The following FSTL4 variants were observed in gnomAD, a reference collection of about 807,000 sequenced individuals.
FSTL4 encodes the protein follistatin like 4, also known as follistatin-related protein 4.
In FSTL4, 28 loss-of-function variants were observed where a neutral mutation model predicts 78.2. The observed-to-expected ratio is 0.36, with a 90% confidence interval of 0.27 to 0.49. The LOEUF (loss-of-function observed/expected upper bound fraction) is 0.49, where lower values mean the gene tolerates loss of function less well. Ranked by LOEUF, FSTL4 falls within the 20% of genes least tolerant of loss-of-function variation. FSTL4 has a pLI of 0.98. For synonymous variants in FSTL4, 422 were observed against 440.5 expected (o/e 0.96, Z 0.53); for missense variants, 922 against 1,084.9 (o/e 0.85, Z 2.11).
chr5:133,495,151 C>T (rs1002867542), intron 3 of FSTL4, among the ~76,000 whole-genome samples: 1 of 152,152 alleles, frequency 6.6e-6, no homozygotes, highest in Non-Finnish European at 1.5e-5. Flanking sequence ...CACTTACACA[C>T]CGGTTGGGAA....
At chr5:133,546,702 G>C (rs1215491880) in intron 3 of FSTL4, among the ~76,000 whole-genome samples, 4 of 152,054 alleles carry the variant, frequency 2.6e-5, no homozygotes, top group Non-Finnish European at 5.9e-5. Flanking sequence ...AGGCATAGGA[G>C]AGCAGAATGG....
upstream of FSTL4, among the ~76,000 whole-genome samples, chr5:133,616,577 C>G (rs952468765): frequency 6.6e-6 from 1 of 151,796 alleles, no homozygotes; most frequent in Non-Finnish European, 1.5e-5. Flanking sequence ...AATTTTTGTA[C>G]TTTTTGTAGA....
chr5:133,273,046 G>A (rs1752801153), intron 6 of FSTL4, among the ~76,000 whole-genome samples: 2 of 152,264 alleles, frequency 1.3e-5, no homozygotes, highest in South Asian at 4.1e-4. Context: ...TGTGCTGGGG[G>A]CCAGCGCTGG....
chr5:133,704,031 G>A, the FSTL4 span, among the ~76,000 whole-genome samples: 2 of 152,170 alleles, frequency 1.3e-5, no homozygotes, highest in Non-Finnish European at 2.9e-5. Context: ...CCACACGGAT[G>A]TGAGGCTGGG....
intron 3 of FSTL4, among the ~76,000 whole-genome samples, chr5:133,534,777 T>A (rs1759319574): frequency 6.6e-6 from 1 of 151,984 alleles, no homozygotes; most frequent in Non-Finnish European, 1.5e-5. Flanking sequence ...CAGCATCACA[T>A]CCCCAGCTGT....
chr5:133,409,853 CG>C (rs1756443464), intron 3 of FSTL4, among the ~76,000 whole-genome samples: 1 of 151,930 alleles, frequency 6.6e-6, no homozygotes, highest in Non-Finnish European at 1.5e-5. Context: ...AGAAAGCCCT[CG>C]GTGGGAGAAT....
At chr5:133,612,636 C>T (rs1193659646), upstream of FSTL4, 1 of 151,724 alleles carries the variant, frequency 6.6e-6, no homozygotes, top group Non-Finnish European at 1.5e-5. The surrounding 1 kb of genome is among the most constrained non-coding windows in gnomAD (Gnocchi z 6.2). Flanking sequence ...GCCGGTCAGA[C>T]CCGCGCGGCG....
intron 2 of FSTL4, among the ~76,000 whole-genome samples, chr5:133,579,412 T>TG (rs1174338429): frequency 6.6e-6 from 1 of 152,222 alleles, no homozygotes; most frequent in Non-Finnish European, 1.5e-5. Context: ...GGACAGCCTG[T>TG]GATGCGTTCC....
intron 3 of FSTL4, among the ~76,000 whole-genome samples, chr5:133,540,316 C>A (rs1759440238): frequency 6.6e-6 from 1 of 152,064 alleles, no homozygotes; most frequent in South Asian, 2.1e-4. Flanking sequence ...TGCAGAGAAC[C>A]CTAATACATA....
intron 4 of FSTL4, among the ~76,000 whole-genome samples, chr5:133,344,674 A>C (rs113382344): frequency 6.6e-6 from 1 of 152,240 alleles, no homozygotes; most frequent in Non-Finnish European, 1.5e-5. Context: ...ATTGAGGGAT[A>C]GCACATACGT....
At chr5:133,544,535 A>T (rs1366846119) in intron 3 of FSTL4, among the ~76,000 whole-genome samples, 2 of 152,186 alleles carry the variant, frequency 1.3e-5, no homozygotes, top group African/African-American at 4.8e-5. Flanking sequence ...TTCTTGAAAG[A>T]AAGAAAACAC....
At chr5:133,467,186 G>A (rs951309187) in intron 3 of FSTL4, among the ~76,000 whole-genome samples, 6 of 151,200 alleles carry the variant, frequency 4.0e-5, no homozygotes, top group South Asian at 2.1e-4. Flanking sequence ...GGGAGTATGC[G>A]TGTATGTGAG....
At chr5:133,352,023 A>G (rs1187266291) in intron 4 of FSTL4, among the ~76,000 whole-genome samples, 1 of 151,648 alleles carries the variant, frequency 6.6e-6, no homozygotes, top group African/African-American at 2.4e-5. Context: ...ATTGCTTTAA[A>G]TATTTTATTT....
chr5:133,418,638 T>C (rs1281833896), intron 3 of FSTL4, among the ~76,000 whole-genome samples: 1 of 152,242 alleles, frequency 6.6e-6, no homozygotes, highest in Non-Finnish European at 1.5e-5. Context: ...CATGAATTAC[T>C]ATACAGCTAC....
chr5:133,478,095 A>G (rs1183176431), intron 3 of FSTL4, among the ~76,000 whole-genome samples: 3 of 152,226 alleles, frequency 2.0e-5, no homozygotes, highest in Admixed American at 2.0e-4. Flanking sequence ...ATGTTCTTCT[A>G]CTGAAGGTCC....
At chr5:133,511,735 C>A (rs1466506989) in intron 3 of FSTL4, among the ~76,000 whole-genome samples, 1 of 152,128 alleles carries the variant, frequency 6.6e-6, no homozygotes, top group Non-Finnish European at 1.5e-5. Flanking sequence ...CCAGAGGGAT[C>A]CAAGCCAAGC....
chr5:133,615,751 A>G (rs1761188686), upstream of FSTL4, among the ~76,000 whole-genome samples: 1 of 152,236 alleles, frequency 6.6e-6, no homozygotes, highest in Admixed American at 6.5e-5. Flanking sequence ...TTACACATAC[A>G]TAATTGTTTT....
At chr5:133,775,480 G>A in the FSTL4 span, among the ~76,000 whole-genome samples, 5 of 152,168 alleles carry the variant, frequency 3.3e-5, no homozygotes, top group Admixed American at 1.3e-4. Context: ...CCGAAAGTCA[G>A]TAGTGCTGAA....
the FSTL4 span, among the ~76,000 whole-genome samples, chr5:133,681,658 T>G: frequency 8.5e-5 from 13 of 152,322 alleles, no homozygotes; most frequent in East Asian, 9.6e-4. Context: ...AATGTGATTT[T>G]AGAAATGCTG....
Sources: allele counts gnomAD v4.1 joint callset (sites outside exome capture counted in the v4.1 genomes callset), GRCh38; gene constraint gnomAD v4.1.1; non-coding constraint Gnocchi (gnomAD v3.1); transcripts MANE v1.5; gene names NCBI Gene and HGNC (gene_info 2026-07-23, HGNC 2026-07-21).